Variants in DCP1B observed in about 807,000 individuals in gnomAD.
DCP1B encodes decapping mRNA 1B.
A neutral mutation model predicts 60.5 loss-of-function variants in DCP1B; 47 were observed. The observed-to-expected ratio is 0.78, with a 90% CI of 0.61 to 0.99. DCP1B has a LOEUF of 0.99. Among genes scored for constraint, DCP1B ranks in the 50% least tolerant of loss-of-function variants. DCP1B has a pLI of 0.00. For synonymous variants in DCP1B, 267 were observed against 280.3 expected (o/e 0.95, Z 0.47); for missense variants, 725 against 756.8 (o/e 0.96, Z 0.49).
intron 5 of DCP1B, among the ~76,000 whole-genome samples, 184 bp from the exon 6 acceptor site, chr12:1,955,744 T>A (rs571202571): frequency 6.6e-4 from 101 of 152,332 alleles, no homozygotes; most frequent in African/African-American, 2.4e-3. Flanking sequence ...AGTTAAAATT[T>A]AATTTTTCTT....
chr12:1,994,504 T>C (rs374424625), intron 2 of DCP1B, among the ~76,000 whole-genome samples: 6 of 152,212 alleles, frequency 3.9e-5, no homozygotes, highest in African/African-American at 1.4e-4. Context: ...GTGGTAAGCA[T>C]ACAATCAATA....
rs965936565 is a variant in DCP1B, at chr12:1,962,170, G to A, written c.522+3388C>T. Among the ~76,000 whole-genome samples the A allele has an allele frequency of 6.6e-6, 1 of 152,170 alleles. No individual in the cohort carries two copies. Among genetic ancestry groups the A allele is most frequent in the Non-Finnish European group, 1.5e-5 (1 of 68,048 alleles). On this transcript the variant is annotated intron_variant, in intron 5 of 8. Transcript: ENST00000280665. This position sits in a 1 kb window ranked among gnomAD's most constrained non-coding sequence, Gnocchi z 4.4. ...GAATAACTCCAGCAGGCTCTAAACT[G>A]TATGAGTGGTCCCCAGTTGCTGGGT... is the stretch of plus-strand genomic sequence containing the variant.
intron 5 of DCP1B, among the ~76,000 whole-genome samples, chr12:1,959,012 T>A (rs886204249): frequency 1.4e-5 from 2 of 141,408 alleles, no homozygotes; most frequent in African/African-American, 5.3e-5. Context: ...ATAAACCTCC[T>A]GGAAGGAAAC....
intron 5 of DCP1B, among the ~76,000 whole-genome samples, chr12:1,960,316 C>T (rs972865272): frequency 2.0e-5 from 3 of 152,242 alleles, no homozygotes; most frequent in African/African-American, 7.2e-5. Context: ...CATGATTTCA[C>T]TCCTACATGA....
chr12:1,942,860 G>C (rs1420327774), downstream of DCP1B, among the ~76,000 whole-genome samples: 3 of 152,120 alleles, frequency 2.0e-5, no homozygotes, highest in Non-Finnish European at 4.4e-5. Flanking sequence ...ATCTAAAATT[G>C]ACACCCTAAC....
chr12:1,958,531 C>A (rs113689180), intron 5 of DCP1B, among the ~76,000 whole-genome samples: 1 of 59,384 alleles, frequency 1.7e-5, no homozygotes, highest in Non-Finnish European at 3.4e-5. Flanking sequence ...CGTCGCTCTG[C>A]GCAATGGCTT....
chr12:2,003,981 T>C (rs2429123), intron 1 of DCP1B, among the ~76,000 whole-genome samples: 115,455 of 152,030 alleles, frequency 0.76, 44,289 homozygotes, highest in African/African-American at 0.89. Flanking sequence ...GGCCATAAGG[T>C]ATCAGGTCCT....
intron 3 of DCP1B, among the ~76,000 whole-genome samples, chr12:1,990,229 T>C (rs77503405): frequency 0.011 from 1,741 of 152,334 alleles, 26 homozygotes; most frequent in African/African-American, 0.036. Context: ...GGATAACCCA[T>C]ATAAAACCTG....
chr12:1,955,648 G>C, intron 5 of DCP1B, 88 bp from the exon 6 acceptor site: 1 of 1,404,592 alleles, frequency 7.1e-7, no homozygotes, highest in Admixed American at 2.4e-5. Context: ...TTATCTAATT[G>C]GTAGACGGCT....
chr12:2,004,396 C>T lies in DCP1B; in HGVS notation c.36G>A (p.Lys12=). 1.2e-6 allele frequency: 2 copies of T among 1,612,332 alleles called. No homozygotes were observed. Among genetic ancestry groups the T allele is most frequent in the East Asian group, 2.2e-5 (1 of 44,854 alleles). Residue 12 remains lysine (K), a synonymous_variant, in exon 1 of 9, where the codon AAG becomes AAA. Transcript: ENST00000280665. The part of the protein sequence containing the change: ...AAVAAGGLVG[K]GRDISLAALQ... Reference sequence around the variant, plus strand: ...GGGCCGCTAGGCTGATGTCGCGCCCCTTTCCCACCAGGCCGCCTGCCGCCA... The same window carrying T: ...GGGCCGCTAGGCTGATGTCGCGCCCTTTTCCCACCAGGCCGCCTGCCGCCA...
Position 1,953,216 on chromosome 12 carries a change from C to T in DCP1B, c.724G>A (p.Glu242Lys). Residue 242 changes from glutamate to lysine, a missense_variant, in exon 7 of 9, where the codon GAA becomes AAA. Physicochemically the swap from Glu to Lys is moderately conservative, Grantham distance 56 (BLOSUM62 1). Transcript: ENST00000280665. ...AGAGTCTGCGGAGGCTCCACAGTTT[C>T]CTGACATGTAGCTTTGTCCTGCTTC... ...FGKQDKATCQ[E>K]TVEPPQTLHQ... 6.2e-7 allele frequency: 1 copy of T among 1,607,936 alleles called. No homozygotes were observed. The highest frequency in any genetic ancestry group is 8.5e-7 in the Non-Finnish European group (1 of 1,179,992).
chr12:1,948,924 GCTAA>G lies in DCP1B; in HGVS notation c.1773+158_1773+161del, dbSNP rs1164440639. On this transcript the variant is annotated intron_variant, in intron 8 of 8. Coordinates refer to ENST00000280665, the MANE Select transcript of DCP1B (RefSeq NM_152640.5). The surrounding 1 kb of genome is among the most constrained non-coding windows in gnomAD (Gnocchi z 4.8). ...CACTTGGTATTATAAATAACACCTA[GCTAA>G]CTGAGCACAGAAGCCGCTGGGGTCA... Among the ~76,000 whole-genome samples, 1 of 152,216 alleles carries G rather than the reference GCTAA, an allele frequency of 6.6e-6. No homozygotes were observed. Among genetic ancestry groups the G allele is most frequent in the Non-Finnish European group, 1.5e-5 (1 of 68,040 alleles).
At chr12:1,963,839 C>A (rs2031206913) in intron 5 of DCP1B, among the ~76,000 whole-genome samples, 1 of 152,150 alleles carries the variant, frequency 6.6e-6, no homozygotes, top group Non-Finnish European at 1.5e-5. Context: ...CCTTTCAGGG[C>A]AAGAGTGAGA....
At chr12:1,944,807 G>C (rs1317043305), downstream of DCP1B, among the ~76,000 whole-genome samples, 2 of 38,516 alleles carry the variant, frequency 5.2e-5, no homozygotes, top group African/African-American at 2.3e-4. Flanking sequence ...AGACTTAAAT[G>C]TAAGACCTAA....
intron 3 of DCP1B, among the ~76,000 whole-genome samples, chr12:1,985,875 A>G (rs2037549149): frequency 6.6e-6 from 1 of 151,800 alleles, no homozygotes; most frequent in African/African-American, 2.4e-5. Flanking sequence ...CAGTGGTGCG[A>G]TCTTGGCTCA....
At chr12:1,956,365 A>AC (rs1166655874) in intron 5 of DCP1B, among the ~76,000 whole-genome samples, 2 of 152,344 alleles carry the variant, frequency 1.3e-5, no homozygotes, top group East Asian at 3.9e-4. Context: ...ATTTGTTTCC[A>AC]CTGTACAGCC....
intron 3 of DCP1B, among the ~76,000 whole-genome samples, chr12:1,988,396 G>A (rs1300384851): frequency 6.6e-6 from 1 of 152,088 alleles, no homozygotes; most frequent in Non-Finnish European, 1.5e-5. Context: ...ACATTTCACT[G>A]GCCAAAGCAA....
intron 5 of DCP1B, among the ~76,000 whole-genome samples, chr12:1,961,700 T>A (rs1330579881): frequency 1.3e-5 from 2 of 152,164 alleles, no homozygotes; most frequent in African/African-American, 4.8e-5. Flanking sequence ...AATAATTAAT[T>A]TGACTGAAGA....
intron 3 of DCP1B, among the ~76,000 whole-genome samples, chr12:1,981,295 A>G (rs568802557): frequency 3.7e-4 from 57 of 152,352 alleles, no homozygotes; most frequent in African/African-American, 1.3e-3. Context: ...AAGAAAAACT[A>G]AAGAAATAGT....
Sources: allele counts gnomAD v4.1 joint callset (sites outside exome capture counted in the v4.1 genomes callset), GRCh38; gene constraint gnomAD v4.1.1; non-coding constraint Gnocchi (gnomAD v3.1); transcripts MANE v1.5; gene names NCBI Gene and HGNC (gene_info 2026-07-23, HGNC 2026-07-21).